DEUP1: variants seen among roughly 807,000 people sequenced by gnomAD.
DEUP1 encodes coiled-coil domain containing 67.
In DEUP1, 82 loss-of-function variants were observed where a neutral mutation model predicts 87.4. The ratio of observed to expected loss-of-function variants is 0.94; its 90% CI spans 0.78 to 1.13. The LOEUF (loss-of-function observed/expected upper bound fraction) is 1.13, where lower values mean the gene tolerates loss of function less well. Ranked by LOEUF, DEUP1 falls within the 50% of genes most tolerant of loss-of-function variation. The pLI is 0.00. For missense variants in DEUP1, 663 were observed against 681.5 expected (o/e 0.97, Z 0.30); for synonymous variants, 214 against 222.7 (o/e 0.96, Z 0.35).
At chr11:93,371,652 G>T (rs1014153586) in intron 7 of DEUP1, among the ~76,000 whole-genome samples, 16 of 152,014 alleles carry the variant, frequency 1.1e-4, no homozygotes, top group African/African-American at 2.7e-4. Flanking sequence ...AATCGTGAAG[G>T]GTTCAACAAT....
chr11:93,336,348 C>A (rs112547189), intron 2 of DEUP1, among the ~76,000 whole-genome samples: 168 of 152,210 alleles, frequency 1.1e-3, no homozygotes, highest in African/African-American at 3.8e-3. Context: ...CAGGCCCCTC[C>A]TCCAACACTG....
rs1247300094 is a variant in DEUP1 at position 93,334,443 on chromosome 11, G to A, written c.29+2155G>A. Among the ~76,000 whole-genome samples the A allele has an allele frequency of 2.6e-5, 4 of 152,334 alleles. No individual in the cohort carries two copies. In the East Asian group the frequency reaches 5.8e-4, roughly 22 times the overall value. On this transcript the variant is annotated intron_variant, in intron 2 of 13. Transcript: ENST00000298050. The stretch of plus-strand genomic sequence containing the variant: ...TTCTTCTCAAGGGGCTTATACCATA[G>A]TGGAAGAGACAGATAATAAACGTAT...
At chr11:93,359,761 AAAC>A (rs952464511) in intron 4 of DEUP1, among the ~76,000 whole-genome samples, 1 of 152,118 alleles carries the variant, frequency 6.6e-6, no homozygotes, top group Non-Finnish European at 1.5e-5. Context: ...GAAAACAAAC[AAAC>A]AACAACAACA....
In DEUP1 at chr11:93,369,788, G is replaced by A. The variant is rs1177156042; in HGVS notation, c.433-285G>A. Reference sequence around the variant, plus strand: ...CTACTAAAAATACAAAAAATTAGCCGGGCGAGGTGGCGGGCGCCTGTAGTC... The same window carrying A: ...CTACTAAAAATACAAAAAATTAGCCAGGCGAGGTGGCGGGCGCCTGTAGTC... On this transcript the variant is annotated intron_variant, in intron 5 of 13. Coordinates refer to ENST00000298050, the MANE Select transcript of DEUP1 (RefSeq NM_181645.4). Among the ~76,000 whole-genome samples the A allele has an allele frequency of 9.0e-5, 4 of 44,252 alleles. 2 individuals are homozygous for A. Among genetic ancestry groups the A allele is most frequent in the South Asian group, 1.8e-3 (2 of 1,094 alleles). 29.0% of individuals were successfully genotyped at this position (44,252 alleles called of 152,430 possible). A position where few individuals can be genotyped will look rare whatever the true frequency, so the allele number is the denominator to read the frequency against.
At chr11:93,352,885 A>T (rs1944695512) in intron 2 of DEUP1, among the ~76,000 whole-genome samples, 1 of 152,152 alleles carries the variant, frequency 6.6e-6, no homozygotes, top group South Asian at 2.1e-4. Context: ...GAATTCTGGG[A>T]GATACAATTC....
chr11:93,388,569 G>A (rs1946663777), intron 8 of DEUP1, among the ~76,000 whole-genome samples: 1 of 152,192 alleles, frequency 6.6e-6, no homozygotes, highest in Non-Finnish European at 1.5e-5. Context: ...TGGTTAGACT[G>A]TCAGAGTTAA....
intron 5 of DEUP1, among the ~76,000 whole-genome samples, chr11:93,365,664 A>G (rs764085044): frequency 6.6e-6 from 1 of 152,346 alleles, no homozygotes; most frequent in African/African-American, 2.4e-5. Context: ...TACGTTATAT[A>G]TATGTAATGA....
chr11:93,392,005 T>G (rs997518390), intron 9 of DEUP1, among the ~76,000 whole-genome samples: 3 of 152,172 alleles, frequency 2.0e-5, no homozygotes, highest in African/African-American at 7.2e-5. Context: ...ATTTCTAAGG[T>G]CATATCCAAC....
intron 8 of DEUP1, 145 bp from the exon 9 acceptor site, chr11:93,388,875 A>G: frequency 1.8e-6 from 1 of 562,212 alleles, no homozygotes; most frequent in Admixed American, 3.8e-5. Flanking sequence ...AATGTATTAG[A>G]ACTTGCAATT....
At chr11:93,388,601 G>T (rs1014907248) in intron 8 of DEUP1, among the ~76,000 whole-genome samples, 5 of 152,136 alleles carry the variant, frequency 3.3e-5, no homozygotes, top group African/African-American at 1.2e-4. Context: ...CTCTTTTATA[G>T]AACAGTTGCT....
chr11:93,417,867 A>T (rs1947702048), intron 13 of DEUP1, among the ~76,000 whole-genome samples: 1 of 152,216 alleles, frequency 6.6e-6, no homozygotes, highest in Non-Finnish European at 1.5e-5. Context: ...AGCCCTCAGA[A>T]ATAATACCGC....
intron 3 of DEUP1, among the ~76,000 whole-genome samples, chr11:93,356,629 G>T (rs1565303244): frequency 6.6e-6 from 1 of 152,124 alleles, no homozygotes; most frequent in Admixed American, 6.6e-5. Flanking sequence ...ATTGGTAGAG[G>T]TTTTGCTTGG....
At chr11:93,418,860 T>C (rs1422593212) in intron 13 of DEUP1, among the ~76,000 whole-genome samples, 1 of 151,566 alleles carries the variant, frequency 6.6e-6, no homozygotes, top group African/African-American at 2.4e-5. Context: ...CCATAAAAAA[T>C]GATGAGTTCA....
rs542200426 is a variant in DEUP1, at chr11:93,356,073, G to A, written c.201+531G>A. ...GCTCACTGCCAAGCTGGTGGTCATA[G>A]AAGAATATATGAGTGCTCTCAGGCC... On this transcript the variant is annotated intron_variant, in intron 3 of 13. Coordinates refer to ENST00000298050, the MANE Select transcript of DEUP1 (RefSeq NM_181645.4). Among the ~76,000 whole-genome samples the A allele has an allele frequency of 9.4e-4, 112 of 119,686 alleles. 1 individual carries two copies. In the South Asian group the frequency reaches 0.036, roughly 38 times the overall value. 78.5% of individuals were successfully genotyped at this position (119,686 alleles called of 152,430 possible).
chr11:93,366,113 CGT>C (rs2134248406), intron 5 of DEUP1, among the ~76,000 whole-genome samples: 1 of 152,152 alleles, frequency 6.6e-6, no homozygotes, highest in Non-Finnish European at 1.5e-5. Flanking sequence ...CACACTGAAG[CGT>C]TTAGGGATGA....
intron 2 of DEUP1, among the ~76,000 whole-genome samples, chr11:93,333,873 T>A (rs1054194917): frequency 5.9e-5 from 9 of 152,150 alleles, no homozygotes; most frequent in African/African-American, 9.7e-5. Flanking sequence ...TAAGTATGTG[T>A]TGGGTCCCTG....
intron 12 of DEUP1, among the ~76,000 whole-genome samples, chr11:93,409,000 GC>G (rs1243477784): frequency 6.6e-6 from 1 of 151,376 alleles, no homozygotes; most frequent in Non-Finnish European, 1.5e-5. Flanking sequence ...GGGACTACAG[GC>G]CCCCGCCACT....
chr11:93,383,693 T>C lies in DEUP1; in HGVS notation c.790-1705T>C, dbSNP rs1591193183. On this transcript the variant is annotated intron_variant, in intron 7 of 13. Coordinates refer to ENST00000298050, the MANE Select transcript of DEUP1 (RefSeq NM_181645.4). ...TCAATGAATATTCAGTATATCTATA[T>C]ATTAAGAATTATTGAACAAACAATT... The C allele has an allele frequency of 1.1e-5, 6 of 566,258 alleles. 1 individual carries two copies. The East Asian group carries it at 1.2e-4, about 11-fold the overall frequency. The allele number at this position is 566,258 out of a possible 1,614,324, so 35.1% of individuals were successfully genotyped here.
intron 10 of DEUP1, 41 bp downstream of exon 10, chr11:93,394,697 C>A: frequency 7.1e-7 from 1 of 1,412,166 alleles, no homozygotes; most frequent in Non-Finnish European, 9.8e-7. Flanking sequence ...AGGGCACATT[C>A]TTGCTCAGTG....
Sources: allele counts gnomAD v4.1 joint callset (sites outside exome capture counted in the v4.1 genomes callset), GRCh38; gene constraint gnomAD v4.1.1; transcripts MANE v1.5; gene names NCBI Gene and HGNC (gene_info 2026-07-23, HGNC 2026-07-21).